The following TRIO variants were observed in gnomAD, a reference collection of about 807,000 sequenced individuals.
The protein encoded by TRIO is trio Rho guanine nucleotide exchange factor.
A neutral mutation model predicts 351.9 loss-of-function variants in TRIO; 58 were observed. The ratio of observed to expected loss-of-function variants is 0.16; its 90% CI spans 0.13 to 0.21. The LOEUF (loss-of-function observed/expected upper bound fraction) is 0.21, where lower values mean the gene tolerates loss of function less well. Among genes scored for constraint, TRIO ranks in the 10% least tolerant of loss-of-function variants. The pLI is 1.00. For synonymous variants in TRIO, 1,758 were observed against 1,595.7 expected (o/e 1.10, Z -2.42); for missense variants, 3,201 against 4,027.8 (o/e 0.79, Z 5.56).
At chr5:14,442,083 T>C (rs1752096588) in intron 34 of TRIO, among the ~76,000 whole-genome samples, 1 of 152,178 alleles carries the variant, frequency 6.6e-6, no homozygotes, top group Admixed American at 6.5e-5. Flanking sequence ...GCCAGCTTTG[T>C]TTCAGTAACC....
At chr5:14,259,917 G>A (rs1434910360) in intron 1 of TRIO, among the ~76,000 whole-genome samples, 5 of 152,028 alleles carry the variant, frequency 3.3e-5, no homozygotes, top group Non-Finnish European at 7.4e-5. Context: ...GCCTCTGATC[G>A]GATGAATCCT....
intron 34 of TRIO, among the ~76,000 whole-genome samples, chr5:14,458,497 G>C (rs916367348): frequency 6.6e-6 from 1 of 152,172 alleles, no homozygotes; most frequent in Non-Finnish European, 1.5e-5. Context: ...AACCCTAACA[G>C]GGTTTGTACC....
At chr5:14,170,889 T>C (rs1789061671) in intron 1 of TRIO, among the ~76,000 whole-genome samples, 1 of 152,194 alleles carries the variant, frequency 6.6e-6, no homozygotes, top group Non-Finnish European at 1.5e-5. Flanking sequence ...ACATTGAAAA[T>C]ACTAGAATAA....
chr5:14,406,141 A>G (rs1264379368), intron 32 of TRIO, 151 bp downstream of exon 32: 2 of 1,138,626 alleles, frequency 1.8e-6, no homozygotes, highest in African/African-American at 3.1e-5. Flanking sequence ...ATTCTTAGTA[A>G]TGAAACTGCT....
chr5:14,147,610 TACTCG>T (rs1248653429), intron 1 of TRIO, among the ~76,000 whole-genome samples: 1 of 152,250 alleles, frequency 6.6e-6, no homozygotes, highest in Non-Finnish European at 1.5e-5. Flanking sequence ...TATTAAATCT[TACTCG>T]ACTCCTCCTG....
intron 1 of TRIO, among the ~76,000 whole-genome samples, chr5:14,188,418 GT>G (rs1394379500): frequency 6.6e-6 from 1 of 152,170 alleles, no homozygotes; most frequent in East Asian, 1.9e-4. Flanking sequence ...TTTGAACCTA[GT>G]TCTTGGCCCA....
intron 40 of TRIO, among the ~76,000 whole-genome samples, chr5:14,474,664 T>C (rs187047839): frequency 6.6e-6 from 1 of 152,306 alleles, no homozygotes; most frequent in African/African-American, 2.4e-5. Flanking sequence ...AATTATTTTA[T>C]GTTATTTTTA....
chr5:14,229,597 T>C (rs1402215852), intron 1 of TRIO, among the ~76,000 whole-genome samples: 2 of 152,224 alleles, frequency 1.3e-5, no homozygotes, highest in Non-Finnish European at 2.9e-5. Context: ...TAGGTTTCCC[T>C]GTACCATTAG....
chr5:14,389,837 G>A (rs900203758), intron 25 of TRIO, among the ~76,000 whole-genome samples: 9 of 152,126 alleles, frequency 5.9e-5, no homozygotes, highest in Admixed American at 1.3e-4. Flanking sequence ...GGCCACAGGA[G>A]GTACATGATT....
At chr5:14,458,522 G>A (rs1188821769) in intron 34 of TRIO, among the ~76,000 whole-genome samples, 4 of 152,184 alleles carry the variant, frequency 2.6e-5, no homozygotes, top group Non-Finnish European at 5.9e-5. Flanking sequence ...CTATAGTACA[G>A]GATAATTTTG....
At chr5:14,366,746 C>G (rs1273086105) in intron 15 of TRIO, 114 bp from the exon 16 acceptor site, 2 of 1,493,510 alleles carry the variant, frequency 1.3e-6, no homozygotes, top group East Asian at 4.7e-5. Context: ...GCATCAGTGC[C>G]TCGTACCTGC....
At chr5:14,223,889 G>A (rs1192640918) in intron 1 of TRIO, among the ~76,000 whole-genome samples, 1 of 152,118 alleles carries the variant, frequency 6.6e-6, no homozygotes, top group Non-Finnish European at 1.5e-5. Context: ...CTGATATTCA[G>A]TGTTTGATAT....
intron 1 of TRIO, among the ~76,000 whole-genome samples, chr5:14,203,413 A>G (rs1433534581): frequency 6.6e-6 from 1 of 152,210 alleles, no homozygotes; most frequent in East Asian, 1.9e-4. Flanking sequence ...AAACATCATC[A>G]TCATTCTCAC....
intron 4 of TRIO, 52 bp downstream of exon 4, chr5:14,287,115 A>C (rs751324969): frequency 1.3e-6 from 2 of 1,572,592 alleles, no homozygotes; most frequent in African/African-American, 2.7e-5. Flanking sequence ...GTGGTTTACT[A>C]AAAGCTATTG....
At chr5:14,306,327 A>T (rs1738366212) in intron 8 of TRIO, among the ~76,000 whole-genome samples, 1 of 152,252 alleles carries the variant, frequency 6.6e-6, no homozygotes, top group Non-Finnish European at 1.5e-5. Flanking sequence ...GTCTGTTAGA[A>T]ACTATTTAAA....
chr5:14,185,898 G>A lies in TRIO; in HGVS notation c.157+42016G>A, dbSNP rs544901094. On this transcript the variant is annotated intron_variant, in intron 1 of 56. Coordinates refer to ENST00000344204, the MANE Select transcript of TRIO (RefSeq NM_007118.4). Reference sequence around the variant, plus strand: ...AGTTTTTCATCTTCCAATTGGAGAAGACTGTTTTGCAATTTTGAGTACCTC... The same window carrying A: ...AGTTTTTCATCTTCCAATTGGAGAAAACTGTTTTGCAATTTTGAGTACCTC... 4.6e-5 allele frequency among the ~76,000 whole-genome samples: 7 copies of A among 152,288 alleles called. No individual in the cohort carries two copies. In the East Asian group the frequency reaches 1.3e-3, roughly 29 times the overall value.
chr5:14,290,329 A>G (rs913246516), intron 4 of TRIO, among the ~76,000 whole-genome samples: 10 of 152,262 alleles, frequency 6.6e-5, no homozygotes, highest in Non-Finnish European at 1.3e-4. Context: ...AGAAGAATGC[A>G]TTGATGTAAG....
chr5:14,149,550 A>G (rs1483898799), intron 1 of TRIO, among the ~76,000 whole-genome samples: 2 of 152,144 alleles, frequency 1.3e-5, no homozygotes, highest in South Asian at 4.1e-4. Flanking sequence ...GGAAAGAGAG[A>G]GCAAACCAGA....
intron 1 of TRIO, among the ~76,000 whole-genome samples, chr5:14,226,348 G>A (rs766909469): frequency 1.6e-4 from 24 of 152,146 alleles, no homozygotes; most frequent in African/African-American, 3.4e-4. Flanking sequence ...CCCTGCTAGC[G>A]CAGCTGTGTT....
Sources: gnomAD v4.1 joint callset for allele counts (sites outside exome capture counted in the v4.1 genomes callset) on GRCh38, gnomAD v4.1.1 for gene constraint, MANE v1.5 for transcripts, NCBI Gene and HGNC (gene_info 2026-07-23, HGNC 2026-07-21) for gene names.